SRGAP2C: variants seen among roughly 807,000 people sequenced by gnomAD.
SRGAP2C encodes SLIT-ROBO Rho GTPase-activating protein 2C.
A neutral mutation model predicts 25.1 loss-of-function variants in SRGAP2C; 15 were observed. The observed-to-expected ratio is 0.60, with a 90% confidence interval of 0.40 to 0.92. The LOEUF (loss-of-function observed/expected upper bound fraction) is 0.92, where lower values mean the gene tolerates loss of function less well. Ranked by LOEUF, SRGAP2C falls within the 40% of genes least tolerant of loss-of-function variation. The probability of loss-of-function intolerance (pLI) is 0.00; values close to 1 mark genes in which losing one functional copy is unlikely to be tolerated. For synonymous variants in SRGAP2C, 44 were observed against 96.6 expected (o/e 0.46, Z 3.19); for missense variants, 144 against 264.4 (o/e 0.54, Z 3.16).
intron 5 of SRGAP2C, among the ~76,000 whole-genome samples, chr1:121,366,882 G>A (rs1659336922): frequency 6.9e-6 from 1 of 145,192 alleles, no homozygotes; most frequent in African/African-American, 2.5e-5. Flanking sequence ...GAAGACTACT[G>A]TCTAAGGATC....
At chr1:121,289,899 AG>A (rs1379708846) in intron 3 of SRGAP2C, among the ~76,000 whole-genome samples, 1 of 28,642 alleles carries the variant, frequency 3.5e-5, no homozygotes, top group Non-Finnish European at 7.3e-5. Flanking sequence ...GAATACAGGA[AG>A]CAATTAGAGC....
At chr1:121,308,733 G>T (rs1447454707) in intron 3 of SRGAP2C, among the ~76,000 whole-genome samples, 1 of 150,494 alleles carries the variant, frequency 6.6e-6, no homozygotes, top group Non-Finnish European at 1.5e-5. Context: ...GAGGTCAGGA[G>T]TTGGAGACCA....
In SRGAP2C at chr1:121,372,725, A is replaced by G. The variant is rs1344686369; in HGVS notation, c.487-1246A>G. Among the ~76,000 whole-genome samples the G allele has an allele frequency of 3.0e-5, 2 of 66,826 alleles. 1 individual carries two copies. The highest frequency in any genetic ancestry group is 5.6e-5 in the Non-Finnish European group (2 of 35,598). 43.8% of individuals were successfully genotyped at this position (66,826 alleles called of 152,430 possible). Reference sequence around the variant, plus strand: ...TAATCTCTCTGAGCCTTATTTCCTTATCTTTAGAAATAGAAATAATAACAG... The same window carrying G: ...TAATCTCTCTGAGCCTTATTTCCTTGTCTTTAGAAATAGAAATAATAACAG... On this transcript the variant is annotated intron_variant, in intron 5 of 9. Coordinates refer to ENST00000367123, the MANE Select transcript of SRGAP2C (RefSeq NM_001329984.2).
chr1:121,291,126 TGGG>T (rs1657483152), intron 3 of SRGAP2C, among the ~76,000 whole-genome samples: 1 of 114,252 alleles, frequency 8.8e-6, no homozygotes, highest in South Asian at 2.7e-4. Flanking sequence ...AAAAAAAAAG[TGGG>T]GGGAGTGGAA....
At chr1:121,248,510 A>G (rs1570735499) in intron 2 of SRGAP2C, among the ~76,000 whole-genome samples, 1 of 142,108 alleles carries the variant, frequency 7.0e-6, no homozygotes, top group Non-Finnish European at 1.5e-5. Flanking sequence ...GCAGTGGCGC[A>G]ATCTTGGCTC....
chr1:121,297,033 A>G (rs1348013876), intron 3 of SRGAP2C, among the ~76,000 whole-genome samples: 2 of 152,018 alleles, frequency 1.3e-5, no homozygotes, highest in Admixed American at 6.6e-5. Context: ...CATTTTGGAC[A>G]TATTTGGGAG....
intron 3 of SRGAP2C, among the ~76,000 whole-genome samples, chr1:121,287,934 T>C (rs1374958198): frequency 2.0e-5 from 3 of 151,650 alleles, no homozygotes; most frequent in Non-Finnish European, 4.4e-5. Context: ...TGCAGATCTT[T>C]GCAGTGAGTG....
chr1:121,345,540 G>A (rs1553343614), intron 4 of SRGAP2C, among the ~76,000 whole-genome samples: 1 of 151,014 alleles, frequency 6.6e-6, no homozygotes, highest in Non-Finnish European at 1.5e-5. Context: ...AATAAGCAGG[G>A]TTTACATTTT....
At chr1:121,258,612 T>G (rs1553332925) in intron 2 of SRGAP2C, among the ~76,000 whole-genome samples, 1 of 150,792 alleles carries the variant, frequency 6.6e-6, no homozygotes, top group African/African-American at 2.4e-5. Context: ...ATTACAGGCA[T>G]GTGCCACCAC....
At chr1:121,273,621 C>A (rs1473647577) in intron 2 of SRGAP2C, among the ~76,000 whole-genome samples, 2 of 151,174 alleles carry the variant, frequency 1.3e-5, no homozygotes, top group African/African-American at 2.4e-5. Flanking sequence ...TTGACTATAG[C>A]TTCATGAGAG....
chr1:121,270,304 C>T (rs1436490931), intron 2 of SRGAP2C, among the ~76,000 whole-genome samples: 7 of 151,894 alleles, frequency 4.6e-5, no homozygotes, highest in Admixed American at 4.6e-4. Flanking sequence ...TTGAATATTG[C>T]TGTGGAGAAG....
At chr1:121,383,371 G>T (rs1395217522) in intron 8 of SRGAP2C, among the ~76,000 whole-genome samples, 2 of 152,010 alleles carry the variant, frequency 1.3e-5, no homozygotes, top group East Asian at 3.9e-4. Context: ...CATCCTAGAG[G>T]CTTTAGTGGG....
chr1:121,285,633 GT>G (rs1445568307), intron 3 of SRGAP2C, among the ~76,000 whole-genome samples: 5 of 143,292 alleles, frequency 3.5e-5, no homozygotes, highest in African/African-American at 7.8e-5. Flanking sequence ...TTGGTTCCCA[GT>G]GCCATTGCCC....
At chr1:121,319,545 G>T (rs1296172169) in intron 3 of SRGAP2C, among the ~76,000 whole-genome samples, 5 of 150,990 alleles carry the variant, frequency 3.3e-5, no homozygotes, top group Non-Finnish European at 7.4e-5. Context: ...CCCTTTAAGC[G>T]CTTGTTGCTA....
At chr1:121,314,842 A>C (rs1265888877) in intron 3 of SRGAP2C, 7 of 517,942 alleles carry the variant, frequency 1.4e-5, no homozygotes, top group Non-Finnish European at 2.5e-5. Context: ...TCAGATGGAA[A>C]TGCAGAAATC....
At chr1:121,372,532 T>A (rs1659524134) in intron 5 of SRGAP2C, among the ~76,000 whole-genome samples, 1 of 126,172 alleles carries the variant, frequency 7.9e-6, no homozygotes, top group Non-Finnish European at 1.6e-5. Context: ...TTTTCAGGAA[T>A]ATCTTGACCA....
intron 4 of SRGAP2C, among the ~76,000 whole-genome samples, chr1:121,339,062 T>G (rs1286567325): frequency 6.6e-6 from 1 of 151,876 alleles, no homozygotes; most frequent in African/African-American, 2.4e-5. Context: ...TTATACACAT[T>G]TTTTTAAAAA....
chr1:121,191,318 A>G (rs1654669211), intron 2 of SRGAP2C, among the ~76,000 whole-genome samples: 1 of 151,922 alleles, frequency 6.6e-6, no homozygotes, highest in Non-Finnish European at 1.5e-5. Flanking sequence ...ACTTTAAATC[A>G]TCTCTAGATT....
At chr1:121,208,271 T>C (rs1655165943) in intron 2 of SRGAP2C, among the ~76,000 whole-genome samples, 1 of 152,144 alleles carries the variant, frequency 6.6e-6, no homozygotes, top group Admixed American at 6.5e-5. Flanking sequence ...CACCTGTTGC[T>C]TTCTGGGCCA....
Sources: allele counts gnomAD v4.1 joint callset (sites outside exome capture counted in the v4.1 genomes callset), GRCh38; gene constraint gnomAD v4.1.1; transcripts MANE v1.5; gene names NCBI Gene and HGNC (gene_info 2026-07-23, HGNC 2026-07-21).